OTUD7B: variants seen among roughly 807,000 people sequenced by gnomAD.
The protein encoded by OTUD7B is OTU domain-containing protein 7B.
Under a neutral mutation model 82.2 loss-of-function variants are expected in OTUD7B, and 34 were observed. The ratio of observed to expected loss-of-function variants is 0.41; its 90% CI spans 0.31 to 0.55. The LOEUF is 0.55. Among genes scored for constraint, OTUD7B ranks in the 20% least tolerant of loss-of-function variants. The probability of loss-of-function intolerance (pLI) is 0.20; values close to 1 mark genes in which losing one functional copy is unlikely to be tolerated. For synonymous variants in OTUD7B, 398 were observed against 402.7 expected (o/e 0.99, Z 0.14); for missense variants, 944 against 1,062.1 (o/e 0.89, Z 1.55).
chr1:150,004,528 C>T (rs1224684152), intron 1 of OTUD7B, among the ~76,000 whole-genome samples: 1 of 151,722 alleles, frequency 6.6e-6, no homozygotes, highest in East Asian at 1.9e-4. Context: ...TCACTGCACT[C>T]CAGCCTGAGC....
At chr1:150,026,920 T>A in the OTUD7B span, among the ~76,000 whole-genome samples, 1 of 152,204 alleles carries the variant, frequency 6.6e-6, no homozygotes, top group South Asian at 2.1e-4. Flanking sequence ...ATCAAAAGTA[T>A]ATTTATATTT....
chr1:150,006,767 G>A (rs1459185355), intron 1 of OTUD7B, among the ~76,000 whole-genome samples: 5 of 152,154 alleles, frequency 3.3e-5, no homozygotes, highest in Admixed American at 6.5e-5. Flanking sequence ...GGTGCACTAC[G>A]AGACAGGAAC....
intron 1 of OTUD7B, among the ~76,000 whole-genome samples, chr1:149,983,102 G>A (rs1214678929): frequency 1.3e-5 from 2 of 151,978 alleles, no homozygotes; most frequent in Admixed American, 6.6e-5. Flanking sequence ...TGATCCACCC[G>A]CCTTGGCCTC....
At chr1:150,038,575 C>T in the OTUD7B span, among the ~76,000 whole-genome samples, 6 of 151,882 alleles carry the variant, frequency 4.0e-5, no homozygotes, top group South Asian at 4.2e-4. Flanking sequence ...TTAGTAGAGA[C>T]GGGATTTCGT....
the OTUD7B span, among the ~76,000 whole-genome samples, chr1:150,052,761 T>C: frequency 5.3e-5 from 8 of 149,606 alleles, no homozygotes; most frequent in Non-Finnish European, 3.0e-5. Context: ...CAAACTATAC[T>C]ACAGTGGCCA....
the OTUD7B span, among the ~76,000 whole-genome samples, chr1:150,061,014 C>G: frequency 6.6e-6 from 1 of 151,524 alleles, no homozygotes; most frequent in African/African-American, 2.4e-5. Context: ...TCAAGCTCAT[C>G]GCACCCGGCT....
At chr1:150,054,440 G>T in the OTUD7B span, 1 of 532,356 alleles carries the variant, frequency 1.9e-6, no homozygotes, top group Non-Finnish European at 3.7e-6. Flanking sequence ...CCAGAAATCT[G>T]TCATTGCCAC....
At chr1:150,035,959 T>TTC in the OTUD7B span, among the ~76,000 whole-genome samples, 1 of 150,324 alleles carries the variant, frequency 6.7e-6, no homozygotes. Context: ...TTGTAACTGT[T>TTC]TTTTTTTTTT....
At chr1:150,022,432 T>C in the OTUD7B span, among the ~76,000 whole-genome samples, 1 of 119,834 alleles carries the variant, frequency 8.3e-6, no homozygotes, top group Admixed American at 9.1e-5. Flanking sequence ...AATAACTACA[T>C]GCTGAAGGTC....
At chr1:149,969,665 C>A (rs1649774143) in intron 3 of OTUD7B, among the ~76,000 whole-genome samples, 1 of 152,078 alleles carries the variant, frequency 6.6e-6, no homozygotes, top group South Asian at 2.1e-4. Context: ...TGAGAGTATA[C>A]TACATACATT....
the OTUD7B span, chr1:150,055,028 T>C: frequency 5.0e-6 from 1 of 200,740 alleles, no homozygotes; most frequent in Non-Finnish European, 9.9e-6. Flanking sequence ...TACAAATTGG[T>C]GTTCTAAATT....
chr1:150,011,299 T>TA (rs1653042361), upstream of OTUD7B, among the ~76,000 whole-genome samples: 2 of 152,334 alleles, frequency 1.3e-5, no homozygotes, highest in East Asian at 3.9e-4. Context: ...AAAAAAAACT[T>TA]ACATAGTGCG....
At chr1:150,011,663 C>T (rs1653070762), upstream of OTUD7B, among the ~76,000 whole-genome samples, 1 of 152,198 alleles carries the variant, frequency 6.6e-6, no homozygotes, top group Non-Finnish European at 1.5e-5. Flanking sequence ...TAGTAAATAC[C>T]TCTTTATGAC....
intron 1 of OTUD7B, among the ~76,000 whole-genome samples, chr1:150,002,035 A>G (rs1175306859): frequency 6.6e-6 from 1 of 152,196 alleles, no homozygotes; most frequent in Non-Finnish European, 1.5e-5. Flanking sequence ...AAATCCAATG[A>G]AAATGAAAAT....
At chr1:150,024,941 G>A in the OTUD7B span, among the ~76,000 whole-genome samples, 7 of 152,142 alleles carry the variant, frequency 4.6e-5, no homozygotes, top group South Asian at 4.2e-4. Flanking sequence ...CCAGCTACTC[G>A]GGAGGCTGAG....
intron 1 of OTUD7B, among the ~76,000 whole-genome samples, chr1:149,978,365 G>C (rs587619190): frequency 9.0e-4 from 137 of 152,258 alleles, no homozygotes; most frequent in Middle Eastern, 3.4e-3. Flanking sequence ...AAATTAGCCA[G>C]GCATGATGGC....
At chr1:149,973,119 C>T (rs1313159522) in intron 2 of OTUD7B, among the ~76,000 whole-genome samples, 1 of 152,236 alleles carries the variant, frequency 6.6e-6, no homozygotes, top group Non-Finnish European at 1.5e-5. Flanking sequence ...TTGAGGTCCT[C>T]ATAATCTTTA....
chr1:150,056,130 T>A, the OTUD7B span, among the ~76,000 whole-genome samples: 1 of 152,170 alleles, frequency 6.6e-6, no homozygotes, highest in African/African-American at 2.4e-5. Flanking sequence ...GAATATGAAT[T>A]TTCTAGTACT....
At chr1:150,039,135 T>C in the OTUD7B span, among the ~76,000 whole-genome samples, 1 of 152,188 alleles carries the variant, frequency 6.6e-6, no homozygotes, top group East Asian at 1.9e-4. Context: ...TAGAGCAAGT[T>C]CTTCCAGCCC....
Sources: gnomAD v4.1 joint callset for allele counts (sites outside exome capture counted in the v4.1 genomes callset) on GRCh38, gnomAD v4.1.1 for gene constraint, MANE v1.5 for transcripts, NCBI Gene and HGNC (gene_info 2026-07-23, HGNC 2026-07-21) for gene names.